The following DGKI variants were observed in gnomAD, a reference collection of about 807,000 sequenced individuals.
The protein encoded by DGKI is diacylglycerol kinase iota.
DGKI carries 55 observed loss-of-function variants against 147.5 expected under a neutral mutation model. The ratio of observed to expected loss-of-function variants is 0.37; its 90% CI spans 0.30 to 0.47. The LOEUF (loss-of-function observed/expected upper bound fraction) is 0.47. Among genes scored for constraint, DGKI ranks in the 20% least tolerant of loss-of-function variants. The pLI is 1.00. For missense variants in DGKI, 1,007 were observed against 1,323.8 expected (o/e 0.76, Z 3.71); for synonymous variants, 469 against 477.1 (o/e 0.98, Z 0.22).
chr7:137,544,329 A>T lies in DGKI; in HGVS notation c.2147+8040T>A, dbSNP rs56812692. Among the ~76,000 whole-genome samples, 104 of 152,264 alleles carry T rather than the reference A, an allele frequency of 6.8e-4. 1 individual carries two copies. In the East Asian group the frequency reaches 0.019, roughly 27 times the overall value. The stretch of plus-strand genomic sequence containing the variant: ...ACATGCAGCCACTCCTTAAACTCAA[A>T]TTTATTGAACTGGCCTATATAGAAT... On this transcript the variant is annotated intron_variant, in intron 20 of 32. Transcript: ENST00000614521.
chr7:137,532,316 G>A (rs1817368984), intron 20 of DGKI, among the ~76,000 whole-genome samples: 2 of 152,122 alleles, frequency 1.3e-5, no homozygotes, highest in South Asian at 4.1e-4. Flanking sequence ...GAAATAAAAA[G>A]TAAGGATTGA....
In DGKI at chr7:137,846,923, A is replaced by G; in HGVS notation, c.-61T>C. 1 of 1,057,820 alleles carries G rather than the reference A, an allele frequency of 9.5e-7. No individual in the cohort carries two copies. Among genetic ancestry groups the G allele is most frequent in the Non-Finnish European group, 1.1e-6 (1 of 872,234 alleles). 65.5% of individuals were successfully genotyped at this position (1,057,820 alleles called of 1,614,324 possible). On this transcript the variant is annotated 5_prime_UTR_variant, in exon 1 of 33. Transcript: ENST00000614521. The surrounding 1 kb of genome is among the most constrained non-coding windows in gnomAD (Gnocchi z 4.0). ...TCCGCTCACTCCCCCGCCCCGGCCA[A>G]TCAGAGGCCGCCGCTCCCCGCCTCC...
intron 21 of DGKI, among the ~76,000 whole-genome samples, chr7:137,509,984 T>C (rs887860524): frequency 6.6e-6 from 1 of 152,210 alleles, no homozygotes; most frequent in Non-Finnish European, 1.5e-5. Context: ...CCTGGTCTTC[T>C]GAACAAAGAC....
At chr7:137,810,922 C>T (rs1725514548) in intron 1 of DGKI, among the ~76,000 whole-genome samples, 1 of 152,274 alleles carries the variant, frequency 6.6e-6, no homozygotes, top group East Asian at 1.9e-4. Flanking sequence ...CCTATGACAA[C>T]CACAGACAGT....
chr7:137,451,272 A>T (rs1226319779), intron 27 of DGKI, among the ~76,000 whole-genome samples: 1 of 152,180 alleles, frequency 6.6e-6, no homozygotes, highest in African/African-American at 2.4e-5. Context: ...ACCCAACTAA[A>T]CACAGCTATA....
chr7:137,631,976 G>A (rs73461022), intron 6 of DGKI, among the ~76,000 whole-genome samples: 4,363 of 152,230 alleles, frequency 0.029, 227 homozygotes, highest in African/African-American at 0.099. Flanking sequence ...GCTCTCCCTC[G>A]TAGGTTAGAC....
chr7:137,806,906 A>G (rs1484774187), intron 1 of DGKI, among the ~76,000 whole-genome samples: 1 of 152,126 alleles, frequency 6.6e-6, no homozygotes, highest in Non-Finnish European at 1.5e-5. Flanking sequence ...CCCAACCATC[A>G]CCACCAACCT....
At chr7:137,406,378 AAAAATACATCCT>A (rs1811948406) in intron 30 of DGKI, among the ~76,000 whole-genome samples, 1 of 152,180 alleles carries the variant, frequency 6.6e-6, no homozygotes, top group African/African-American at 2.4e-5. Context: ...ACTTAGCACC[AAAAATACATCCT>A]ATCTACCTAG....
At chr7:137,488,805 C>G (rs201189936) in intron 21 of DGKI, among the ~76,000 whole-genome samples, 2 of 152,032 alleles carry the variant, frequency 1.3e-5, no homozygotes, top group Admixed American at 6.6e-5. Flanking sequence ...AGAATCTCCA[C>G]GTAGTAGAGA....
chr7:137,506,425 A>T (rs1242076991), intron 21 of DGKI, among the ~76,000 whole-genome samples: 2 of 152,350 alleles, frequency 1.3e-5, no homozygotes, highest in African/African-American at 4.8e-5. Context: ...CAATAAAATA[A>T]TCAGTGGTTG....
intron 1 of DGKI, among the ~76,000 whole-genome samples, chr7:137,773,069 A>G (rs975571113): frequency 1.3e-5 from 2 of 152,216 alleles, no homozygotes; most frequent in African/African-American, 2.4e-5. Flanking sequence ...ACTCTGTACA[A>G]GAAGGGACCC....
chr7:137,714,975 T>C (rs1460328848), intron 1 of DGKI, among the ~76,000 whole-genome samples: 1 of 152,198 alleles, frequency 6.6e-6, no homozygotes, highest in African/African-American at 2.4e-5. Context: ...GGCATTCATA[T>C]TGTTATCCTC....
chr7:137,638,485 T>TAC (rs1821435240), intron 6 of DGKI, among the ~76,000 whole-genome samples: 1 of 123,400 alleles, frequency 8.1e-6, no homozygotes, highest in African/African-American at 3.4e-5. Flanking sequence ...TGTGTATATA[T>TAC]ATACACACAT....
intron 20 of DGKI, among the ~76,000 whole-genome samples, chr7:137,538,126 C>T (rs1817578257): frequency 6.6e-6 from 1 of 152,176 alleles, no homozygotes. Context: ...TAGTTTACTT[C>T]TCTGGCCAGA....
rs563232055 is a variant in DGKI, at chr7:137,430,105, G to A, written c.2761+13972C>T. On this transcript the variant is annotated intron_variant, in intron 28 of 32. Coordinates refer to ENST00000614521, the MANE Select transcript of DGKI (RefSeq NM_001321708.2). ...TGCTGCTATAAAGACACATGCACAC[G>A]TATATTTATTGTGGCACTATTCACA... Among the ~76,000 whole-genome samples, 31 of 120,596 alleles carry A rather than the reference G, an allele frequency of 2.6e-4. 3 individuals are homozygous for A. In the South Asian group the frequency reaches 9.8e-3, roughly 38 times the overall value. 79.1% of individuals were successfully genotyped at this position (120,596 alleles called of 152,430 possible).
At chr7:137,654,427 T>C (rs1188421115) in intron 5 of DGKI, among the ~76,000 whole-genome samples, 1 of 152,198 alleles carries the variant, frequency 6.6e-6, no homozygotes, top group Non-Finnish European at 1.5e-5. Flanking sequence ...TCCAAATAAA[T>C]AAGTAATAAA....
chr7:137,505,218 A>C (rs555966745), intron 21 of DGKI, among the ~76,000 whole-genome samples: 16 of 152,276 alleles, frequency 1.1e-4, no homozygotes, highest in African/African-American at 2.4e-4. Context: ...AAAGAAAAGA[A>C]AAGACTGAGG....
intron 17 of DGKI, 35 bp downstream of exon 17, chr7:137,577,187 T>C (rs1819013704): frequency 2.0e-6 from 3 of 1,467,922 alleles, no homozygotes; most frequent in Non-Finnish European, 2.8e-6. Context: ...TCATATCATA[T>C]TCAAATTAAA....
intron 23 of DGKI, among the ~76,000 whole-genome samples, chr7:137,475,371 T>C (rs1815134371): frequency 6.6e-6 from 1 of 152,204 alleles, no homozygotes; most frequent in Non-Finnish European, 1.5e-5. Flanking sequence ...TGTTATATAA[T>C]TGTCTTAAAT....
Sources: allele counts gnomAD v4.1 joint callset (sites outside exome capture counted in the v4.1 genomes callset), GRCh38; gene constraint gnomAD v4.1.1; non-coding constraint Gnocchi (gnomAD v3.1); transcripts MANE v1.5; gene names NCBI Gene and HGNC (gene_info 2026-07-23, HGNC 2026-07-21).